RTF1: variants seen among roughly 807,000 people sequenced by gnomAD.
RTF1 encodes RNA polymerase-associated protein RTF1 homolog.
RTF1 carries 10 observed loss-of-function variants against 95.7 expected under a neutral mutation model. The ratio of observed to expected loss-of-function variants is 0.10; its 90% CI spans 0.06 to 0.18. The LOEUF is 0.18. RTF1 is among the 10% of genes least tolerant of loss of function. The pLI, the probability that RTF1 is intolerant of heterozygous loss-of-function variation, is 1.00. For missense variants in RTF1, 458 were observed against 875.6 expected (o/e 0.52, Z 6.02); for synonymous variants, 305 against 311.8 (o/e 0.98, Z 0.23).
At chr15:41,438,476 G>T in intron 2 of RTF1, 45 bp downstream of exon 2, 1 of 1,324,192 alleles carries the variant, frequency 7.6e-7, no homozygotes, top group Non-Finnish European at 1.0e-6. Flanking sequence ...AGATAGTTGA[G>T]GCTCCTCGCT....
At chr15:41,477,824 T>C (rs1735680970) in intron 14 of RTF1, among the ~76,000 whole-genome samples, 1 of 152,156 alleles carries the variant, frequency 6.6e-6, no homozygotes, top group Non-Finnish European at 1.5e-5. Context: ...AAGGATAATA[T>C]GCCGGGCGCG....
chr15:41,452,743 AT>A lies in RTF1; in HGVS notation c.310-148del, dbSNP rs1210243809. ...AATGAGACCCTGTTTCAAAAAAAAA[AT>A]TTTTTTTTTCAAAAATCTGTATTTT... On this transcript the variant is annotated intron_variant, in intron 2 of 17. Transcript: ENST00000389629. Among the ~76,000 whole-genome samples the A allele has an allele frequency of 1.0e-4, 15 of 150,396 alleles. No individual in the cohort carries two copies. In the East Asian group the frequency reaches 1.2e-3, roughly 12 times the overall value.
intron 14 of RTF1, 152 bp from the exon 15 acceptor site, chr15:41,478,396 A>G (rs1290271341): frequency 1.5e-6 from 1 of 656,884 alleles, no homozygotes. Flanking sequence ...GCGAGACTCC[A>G]TCTCAAAAAA....
At chr15:41,438,583 G>A (rs572129736) in intron 2 of RTF1, among the ~76,000 whole-genome samples, 152 bp downstream of exon 2, 7 of 152,212 alleles carry the variant, frequency 4.6e-5, no homozygotes, top group Admixed American at 1.3e-4. Context: ...AAGGAAGGCC[G>A]GGCGCTGTGG....
At chr15:41,479,460 T>C (rs565494604) in intron 16 of RTF1, among the ~76,000 whole-genome samples, 116 of 152,332 alleles carry the variant, frequency 7.6e-4, no homozygotes, top group African/African-American at 2.7e-3. Flanking sequence ...TTCTGCTGTG[T>C]AAAATGAGGG....
intron 14 of RTF1, among the ~76,000 whole-genome samples, chr15:41,477,979 G>A (rs976469028): frequency 6.6e-6 from 1 of 151,866 alleles, no homozygotes; most frequent in African/African-American, 2.4e-5. Context: ...GGTGGTGCAC[G>A]CCTGTAATCC....
chr15:41,427,975 C>T (rs1268963384), intron 1 of RTF1, among the ~76,000 whole-genome samples: 5 of 151,790 alleles, frequency 3.3e-5, no homozygotes, highest in Non-Finnish European at 4.4e-5. Context: ...TTAGTAGAGA[C>T]GGGGTTTCAC....
chr15:41,464,368 C>T (rs1416737142), intron 4 of RTF1, among the ~76,000 whole-genome samples: 1 of 151,296 alleles, frequency 6.6e-6, no homozygotes, highest in Non-Finnish European at 1.5e-5. Flanking sequence ...CCTGCCTCAG[C>T]CTCCCAAGTA....
chr15:41,478,453 T>C (rs77948097), intron 14 of RTF1, 95 bp from the exon 15 acceptor site: 2 of 864,328 alleles, frequency 2.3e-6, no homozygotes, highest in Non-Finnish European at 1.8e-6. Flanking sequence ...TTTTTTTTTT[T>C]CAGTCCCGTG....
intron 1 of RTF1, among the ~76,000 whole-genome samples, chr15:41,429,849 CCTT>C (rs1384421779): frequency 1.3e-5 from 2 of 151,960 alleles, no homozygotes; most frequent in Non-Finnish European, 2.9e-5. Context: ...TGATTCACTT[CCTT>C]CTTAACACTT....
In RTF1 at chr15:41,464,862, C is replaced by G; in HGVS notation, c.754C>G (p.Leu252Val). Residue 252 changes from leucine to valine, a missense_variant, in exon 5 of 18, where the codon CTG becomes GTG. Coordinates refer to ENST00000389629, the MANE Select transcript of RTF1 (RefSeq NM_015138.5). ...KQEEEQEKKK[L>V]TQIQESQVTS... Reference sequence around the variant, plus strand: ...AGAAGAGGAGCAAGAAAAGAAAAAACTGACACAGATTCAAGAATCTCAGGT... The same window carrying G: ...AGAAGAGGAGCAAGAAAAGAAAAAAGTGACACAGATTCAAGAATCTCAGGT... 6.5e-7 allele frequency: 1 copy of G among 1,534,092 alleles called. No homozygotes were observed. Among genetic ancestry groups the G allele is most frequent in the Non-Finnish European group, 8.7e-7 (1 of 1,143,328 alleles).
At chr15:41,426,114 G>T (rs2050627832) in intron 1 of RTF1, among the ~76,000 whole-genome samples, 1 of 151,336 alleles carries the variant, frequency 6.6e-6, no homozygotes, top group Non-Finnish European at 1.5e-5. Flanking sequence ...GATGAAACCT[G>T]ATCTCTACAA....
At chr15:41,454,858 T>C (rs2050804797) in intron 3 of RTF1, among the ~76,000 whole-genome samples, 1 of 152,226 alleles carries the variant, frequency 6.6e-6, no homozygotes, top group Non-Finnish European at 1.5e-5. Context: ...AATTTAGTTT[T>C]TCAGTTGCAC....
intron 1 of RTF1, among the ~76,000 whole-genome samples, chr15:41,432,436 A>T (rs928530110): frequency 1.3e-5 from 2 of 151,046 alleles, no homozygotes; most frequent in Non-Finnish European, 2.9e-5. Context: ...TGACCTCGTG[A>T]TCCACCCACC....
chr15:41,472,057 C>T lies in RTF1; in HGVS notation c.1203+708C>T, dbSNP rs949883087. On this transcript the variant is annotated intron_variant, in intron 8 of 17. Transcript: ENST00000389629. ...GGGACTACAGGCGCATGCCACCACA[C>T]CTGGCTAATTTTTGTATTTTTAGTA... Among the ~76,000 whole-genome samples the T allele has an allele frequency of 9.9e-5, 15 of 151,454 alleles. 1 individual carries two copies. The highest frequency in any genetic ancestry group is 4.2e-4 in the South Asian group (2 of 4,802).
chr15:41,477,633 TAC>T, intron 14 of RTF1, 118 bp downstream of exon 14: 1 of 840,904 alleles, frequency 1.2e-6, no homozygotes, highest in South Asian at 1.5e-5. Flanking sequence ...ACTTAACGTA[TAC>T]ACACTCTCTC....
chr15:41,443,602 T>TA lies in RTF1; in HGVS notation c.309+5182dup, dbSNP rs35422486. 6.2e-3 allele frequency among the ~76,000 whole-genome samples: 908 copies of TA among 146,270 alleles called. 11 individuals are homozygous for TA. Among genetic ancestry groups the TA allele is most frequent in the African/African-American group, 0.021 (828 of 40,124 alleles). ...CAGCCATTCAATCATGAGTTGGGGTTAAAAAAAAAAACGGCCAGCAGGGTG... is the reference window on the plus strand; with the variant it reads ...CAGCCATTCAATCATGAGTTGGGGTTAAAAAAAAAAAACGGCCAGCAGGGTG... On this transcript the variant is annotated intron_variant, in intron 2 of 17. Coordinates refer to ENST00000389629, the MANE Select transcript of RTF1 (RefSeq NM_015138.5).
intron 11 of RTF1, 106 bp from the exon 12 acceptor site, chr15:41,476,340 G>A (rs932134225): frequency 2.4e-6 from 2 of 826,688 alleles, no homozygotes; most frequent in Admixed American, 1.8e-5. Context: ...TGTAGGAAGA[G>A]CAGCCCCTTT....
intron 3 of RTF1, among the ~76,000 whole-genome samples, chr15:41,453,822 T>C (rs2050799859): frequency 6.6e-6 from 1 of 152,120 alleles, no homozygotes; most frequent in African/African-American, 2.4e-5. Context: ...TGATAACCTG[T>C]AAATTATAAA....
Sources: allele counts gnomAD v4.1 joint callset (sites outside exome capture counted in the v4.1 genomes callset), GRCh38; gene constraint gnomAD v4.1.1; transcripts MANE v1.5; gene names NCBI Gene and HGNC (gene_info 2026-07-23, HGNC 2026-07-21).